Variants in NUDT19 observed in about 807,000 individuals in gnomAD.
NUDT19 encodes acyl-coenzyme A diphosphatase NUDT19.
Under a neutral mutation model 22.2 loss-of-function variants are expected in NUDT19, and 31 were observed. That is an observed-to-expected ratio of 1.40 (90% CI 1.05 to 1.89). The LOEUF (loss-of-function observed/expected upper bound fraction) is 1.89. Among genes scored for constraint, NUDT19 ranks in the 40% most tolerant of loss-of-function variants. The pLI is 0.00. For synonymous variants in NUDT19, 325 were observed against 230.8 expected (o/e 1.41, Z -3.70); for missense variants, 752 against 514.2 (o/e 1.46, Z -4.47).
intron 1 of NUDT19, among the ~76,000 whole-genome samples, chr19:32,701,660 C>T (rs1599799568): frequency 6.6e-6 from 1 of 152,256 alleles, no homozygotes; most frequent in African/African-American, 2.4e-5. Flanking sequence ...CTGACTGTAT[C>T]TACATTTAGG....
intron 1 of NUDT19, among the ~76,000 whole-genome samples, chr19:32,703,310 A>G (rs1968354678): frequency 6.6e-6 from 1 of 152,048 alleles, no homozygotes; most frequent in Admixed American, 6.6e-5. Flanking sequence ...CTAGACCATC[A>G]GTCTTAATGA....
intron 1 of NUDT19, among the ~76,000 whole-genome samples, chr19:32,695,548 C>T (rs1166905768): frequency 6.6e-6 from 1 of 152,194 alleles, no homozygotes; most frequent in Non-Finnish European, 1.5e-5. Flanking sequence ...CTCTCTGACT[C>T]CTTTGTCTCT....
At chr19:32,694,880 T>C (rs1370524861) in intron 1 of NUDT19, among the ~76,000 whole-genome samples, 3 of 152,258 alleles carry the variant, frequency 2.0e-5, no homozygotes, top group Non-Finnish European at 4.4e-5. Context: ...CTAACTCTGC[T>C]TCTGTAAGAG....
intron 1 of NUDT19, among the ~76,000 whole-genome samples, chr19:32,707,035 CCCAGGT>C (rs1968394011): frequency 1.3e-5 from 2 of 152,298 alleles, no homozygotes; most frequent in East Asian, 3.9e-4. Context: ...ATTGTAGCCT[CCCAGGT>C]GGCTGTGATT....
rs920016232 is a variant in NUDT19 at position 32,692,063 on chromosome 19, C to T, written c.103C>T (p.Arg35Cys). The change falls in exon 1 of 3, where the codon CGC becomes TGC. Residue 35 changes from arginine to cysteine, a missense_variant. Coordinates refer to ENST00000397061, the MANE Select transcript of NUDT19 (RefSeq NM_001105570.2). ...CCCGGAGACCGCCACCCCGCCGTCG[C>T]GCCCGCCGCCGGCCGAGGGCTTCCG... The part of the protein sequence containing the change: ...SRPETATPPS[R>C]PPPAEGFRLL... The T allele has an allele frequency of 1.0e-5, 13 of 1,294,072 alleles. No individual in the cohort carries two copies. The East Asian group carries it at 4.1e-4, about 41-fold the overall frequency. The allele number at this position is 1,294,072 out of a possible 1,614,324, so 80.2% of individuals were successfully genotyped here.
intron 1 of NUDT19, among the ~76,000 whole-genome samples, chr19:32,695,501 G>A (rs1202067094): frequency 6.6e-6 from 1 of 152,186 alleles, no homozygotes; most frequent in African/African-American, 2.4e-5. Context: ...TAAAGGAATA[G>A]GGTGCACTGT....
At chr19:32,693,999 C>T (rs1340295837) in intron 1 of NUDT19, among the ~76,000 whole-genome samples, 10 of 152,194 alleles carry the variant, frequency 6.6e-5, no homozygotes, top group Admixed American at 5.9e-4. Context: ...AGTGAAAGGG[C>T]CAGTGGGTCG....
At chr19:32,706,735 T>C (rs537449550) in intron 1 of NUDT19, among the ~76,000 whole-genome samples, 1 of 152,330 alleles carries the variant, frequency 6.6e-6, no homozygotes, top group African/African-American at 2.4e-5. Context: ...GCCTAATTCA[T>C]CAATTAAATT....
At chr19:32,709,959 T>C (rs1339255471) in intron 2 of NUDT19, among the ~76,000 whole-genome samples, 1 of 152,048 alleles carries the variant, frequency 6.6e-6, no homozygotes, top group Admixed American at 6.6e-5. Flanking sequence ...GGCTGATTTC[T>C]CACTTTTTTG....
chr19:32,692,012 A>C lies in NUDT19; in HGVS notation c.52A>C (p.Ile18Leu). ...CAGCCGCTGGCGGCGGGCGGCCAGC[A>C]TCGTCCTGGCGGCTGGCTGGTCGCG... Reference protein sequence around the residue: ...GPSRWRRAASIVLAAGWSRPE... With the variant: ...GPSRWRRAASLVLAAGWSRPE... The change falls in exon 1 of 3, where the codon ATC (isoleucine) becomes CTC (leucine). Residue 18 changes from isoleucine (I) to leucine (L), a missense_variant. Physicochemically the swap from Ile to Leu is conservative, Grantham distance 5. Coordinates refer to ENST00000397061, the MANE Select transcript of NUDT19 (RefSeq NM_001105570.2). The C allele has an allele frequency of 8.0e-7, 1 of 1,250,432 alleles. No homozygotes were observed. The highest frequency in any genetic ancestry group is 1.0e-6 in the Non-Finnish European group (1 of 1,001,484). The allele number at this position is 1,250,432 out of a possible 1,614,324, so 77.5% of individuals were successfully genotyped here.
chr19:32,694,555 A>G (rs1163343956), intron 1 of NUDT19, among the ~76,000 whole-genome samples: 2 of 152,214 alleles, frequency 1.3e-5, no homozygotes, highest in Non-Finnish European at 2.9e-5. Flanking sequence ...TTCTAGCCCT[A>G]TAAGTAGGGG....
chr19:32,692,582 A>C lies in NUDT19; in HGVS notation c.622A>C (p.Thr208Pro). The change falls in exon 1 of 3, where the codon ACC (threonine) becomes CCC (proline). Residue 208 changes from threonine to proline, a missense_variant. Transcript: ENST00000397061. ...SAWLTPFLRG[T>P]TRRFDTAFFL... Reference sequence around the variant, plus strand: ...CTGGCTCACCCCTTTCTTGCGGGGCACCACTCGCCGCTTTGACACGGCCTT... The same window carrying C: ...CTGGCTCACCCCTTTCTTGCGGGGCCCCACTCGCCGCTTTGACACGGCCTT... The C allele has an allele frequency of 6.3e-7, 1 of 1,589,376 alleles. No individual in the cohort carries two copies. Among genetic ancestry groups the C allele is most frequent in the South Asian group, 1.1e-5 (1 of 88,408 alleles).
chr19:32,702,406 G>A (rs2868156), intron 1 of NUDT19, among the ~76,000 whole-genome samples: 1 of 65,782 alleles, frequency 1.5e-5, no homozygotes, highest in Non-Finnish European at 3.3e-5. Context: ...CCTTCAGCCA[G>A]ATCTGTTACC....
chr19:32,695,727 A>G (rs1011233994), intron 1 of NUDT19, among the ~76,000 whole-genome samples: 2 of 150,464 alleles, frequency 1.3e-5, no homozygotes, highest in South Asian at 2.1e-4. Flanking sequence ...CAATAACTCC[A>G]TGATTTCCTT....
rs759377189 is a variant in NUDT19, at chr19:32,692,431, C to G, written c.471C>G (p.Ala157=). ...PPGPAPGPGL[A]LEPPPGLASW... ...GCCCAGCACCCGGGCCTGGCCTCGC[C>G]CTGGAGCCACCGCCGGGCCTGGCCT... Residue 157 remains alanine (A), a synonymous_variant, in exon 1 of 3, where the codon GCC becomes GCG. Transcript: ENST00000397061. 4 of 1,551,024 alleles carry G rather than the reference C, an allele frequency of 2.6e-6. No individual in the cohort carries two copies. In the Admixed American group the frequency reaches 7.7e-5, roughly 30 times the overall value.
rs138981459 is a variant in NUDT19, at chr19:32,713,518, C to A, written c.*1561C>A. ...ACAAAAACCATCATTGTTTGTATTC[C>A]ACACTGTTAATGAATGTAAAGAGGT... On this transcript the variant is annotated 3_prime_UTR_variant, in exon 3 of 3. Transcript: ENST00000397061. The A allele has an allele frequency of 1.3e-5, 2 of 152,110 alleles. No individual in the cohort carries two copies. Among genetic ancestry groups the A allele is most frequent in the Non-Finnish European group, 2.9e-5 (2 of 68,032 alleles). The allele number at this position is 152,110 out of a possible 1,614,324, so 9.4% of individuals were successfully genotyped here.
Position 32,692,463 on chromosome 19 carries a change from G to C in NUDT19, c.503G>C (p.Arg168Pro), listed in dbSNP as rs539634698. The C allele has an allele frequency of 1.9e-6, 3 of 1,545,766 alleles. No homozygotes were observed. The highest frequency in any genetic ancestry group is 2.8e-5 in the African/African-American group (2 of 71,608). The change falls in exon 1 of 3, where the codon CGC becomes CCC. Residue 168 changes from arginine (R) to proline (P), a missense_variant. Arg to Pro is a moderately radical substitution (Grantham distance 103). Coordinates refer to ENST00000397061, the MANE Select transcript of NUDT19 (RefSeq NM_001105570.2). ...LEPPPGLASWRDRVRQDPRHF... is the reference protein window; with the variant it reads ...LEPPPGLASWPDRVRQDPRHF... Reference sequence around the variant, plus strand: ...CCACCGCCGGGCCTGGCCTCCTGGCGCGACCGCGTGCGCCAGGACCCGCGC... The same window carrying C: ...CCACCGCCGGGCCTGGCCTCCTGGCCCGACCGCGTGCGCCAGGACCCGCGC...
intron 1 of NUDT19, among the ~76,000 whole-genome samples, chr19:32,696,099 C>T (rs1465599783): frequency 1.3e-5 from 2 of 152,188 alleles, no homozygotes; most frequent in Non-Finnish European, 2.9e-5. Flanking sequence ...CTGTTGGCAG[C>T]CATGCTTGAC....
intron 1 of NUDT19, among the ~76,000 whole-genome samples, chr19:32,696,086 T>C (rs1271505960): frequency 1.3e-5 from 2 of 152,206 alleles, no homozygotes; most frequent in African/African-American, 4.8e-5. Context: ...TCTGGACTAC[T>C]ACCTGTTGGC....
Sources: allele counts gnomAD v4.1 joint callset (sites outside exome capture counted in the v4.1 genomes callset), GRCh38; gene constraint gnomAD v4.1.1; transcripts MANE v1.5; gene names NCBI Gene and HGNC (gene_info 2026-07-23, HGNC 2026-07-21).